FRMPD2: variants seen among roughly 807,000 people sequenced by gnomAD.
FRMPD2 encodes FERM and PDZ domain-containing protein 2.
FRMPD2 carries 96 observed loss-of-function variants against 140.1 expected under a neutral mutation model. The ratio of observed to expected loss-of-function variants is 0.69; its 90% CI spans 0.58 to 0.81. FRMPD2 has a LOEUF of 0.81. Ranked by LOEUF, FRMPD2 falls within the 40% of genes least tolerant of loss-of-function variation. The probability of loss-of-function intolerance (pLI) is 0.00; values close to 1 mark genes in which losing one functional copy is unlikely to be tolerated. For synonymous variants in FRMPD2, 449 were observed against 547.6 expected (o/e 0.82, Z 2.52); for missense variants, 1,240 against 1,447.4 (o/e 0.86, Z 2.32).
chr10:48,271,439 A>G (rs1381939569), intron 1 of FRMPD2, among the ~76,000 whole-genome samples: 1 of 152,192 alleles, frequency 6.6e-6, no homozygotes, highest in Non-Finnish European at 1.5e-5. Flanking sequence ...CCCATCTTGA[A>G]TCTATTGAAG....
At chr10:48,218,039 G>C (rs1289303647) in intron 12 of FRMPD2, among the ~76,000 whole-genome samples, 1 of 152,186 alleles carries the variant, frequency 6.6e-6, no homozygotes, top group Non-Finnish European at 1.5e-5. Flanking sequence ...TGCAGGTTTG[G>C]TTTCTCCCAA....
chr10:48,239,278 T>G (rs1009208676), intron 7 of FRMPD2, among the ~76,000 whole-genome samples: 1 of 152,198 alleles, frequency 6.6e-6, no homozygotes, highest in Non-Finnish European at 1.5e-5. Flanking sequence ...TTAGCCACTG[T>G]GTTTTGTGGT....
intron 1 of FRMPD2, among the ~76,000 whole-genome samples, chr10:48,270,743 A>G (rs561488610): frequency 4.6e-5 from 7 of 152,022 alleles, no homozygotes; most frequent in African/African-American, 1.7e-4. Flanking sequence ...AATACAGCAA[A>G]TGGCATTCCC....
intron 12 of FRMPD2, among the ~76,000 whole-genome samples, chr10:48,216,017 G>A (rs549585725): frequency 1.3e-5 from 2 of 152,312 alleles, no homozygotes; most frequent in Admixed American, 1.3e-4. Context: ...TAAACAAAAA[G>A]ACTGACCCTC....
At chr10:48,223,890 C>T (rs758882462) in intron 10 of FRMPD2, among the ~76,000 whole-genome samples, 26 of 152,172 alleles carry the variant, frequency 1.7e-4, no homozygotes, top group Non-Finnish European at 3.8e-4. Context: ...GAAAAGGAAA[C>T]CTCTGAAAGC....
rs140347747 is a variant in FRMPD2, at chr10:48,192,727, C to T, written c.2122G>A (p.Val708Met). 64 of 1,614,066 alleles carry T rather than the reference C, an allele frequency of 4.0e-5. No homozygotes were observed. In the African/African-American group the frequency reaches 4.5e-4, roughly 11 times the overall value. ...LLSTSMDNFN[V>M]DGSKEAGAEG... Reference sequence around the variant, plus strand: ...GCTCCAGCCTCCTTGCTGCCGTCCACGTTGAAGTTATCCATTGATGTACTC... The same window carrying T: ...GCTCCAGCCTCCTTGCTGCCGTCCATGTTGAAGTTATCCATTGATGTACTC... Residue 708 changes from valine to methionine, a missense_variant, in exon 16 of 29, where the codon GTG becomes ATG. Around this residue, in one of 6 missense-constraint regions of FRMPD2, gnomAD observed 1,161 missense variants for 1,055.9 expected, o/e 1.10. Transcript: ENST00000374201.
intron 15 of FRMPD2, among the ~76,000 whole-genome samples, chr10:48,195,571 A>G (rs910160800): frequency 6.6e-6 from 1 of 152,218 alleles, no homozygotes; most frequent in Non-Finnish European, 1.5e-5. Context: ...GGCACTTGGG[A>G]AAACAGCAGT....
At chr10:48,270,988 C>T (rs1323831727) in intron 1 of FRMPD2, among the ~76,000 whole-genome samples, 1 of 152,194 alleles carries the variant, frequency 6.6e-6, no homozygotes, top group Non-Finnish European at 1.5e-5. Flanking sequence ...TGCCCTGATC[C>T]ATTCTCTGTC....
intron 16 of FRMPD2, among the ~76,000 whole-genome samples, chr10:48,191,746 T>C (rs1037381295): frequency 6.6e-6 from 1 of 152,246 alleles, no homozygotes; most frequent in South Asian, 2.1e-4. Flanking sequence ...GCTATTTCTA[T>C]AAATTGCAGT....
chr10:48,261,844 G>T (rs1187257889), intron 1 of FRMPD2, among the ~76,000 whole-genome samples: 1 of 152,182 alleles, frequency 6.6e-6, no homozygotes, highest in Non-Finnish European at 1.5e-5. Flanking sequence ...AGGGAGAAAC[G>T]GGTATTACTC....
intron 24 of FRMPD2, among the ~76,000 whole-genome samples, chr10:48,173,594 C>T (rs541513348): frequency 2.0e-4 from 31 of 152,250 alleles, no homozygotes; most frequent in Non-Finnish European, 3.8e-4. Context: ...TGTCTGCACC[C>T]TTCTTGGTCC....
At chr10:48,225,998 G>A (rs1174856098) in intron 10 of FRMPD2, among the ~76,000 whole-genome samples, 2 of 152,128 alleles carry the variant, frequency 1.3e-5, no homozygotes, top group African/African-American at 4.8e-5. Context: ...TTTGGGGTTG[G>A]TTGTTTGTGT....
At chr10:48,205,269 G>A (rs1487482327) in intron 14 of FRMPD2, among the ~76,000 whole-genome samples, 1 of 152,186 alleles carries the variant, frequency 6.6e-6, no homozygotes, top group Non-Finnish European at 1.5e-5. Flanking sequence ...TATTTTTTGA[G>A]CTACTAAGTT....
At chr10:48,174,587 C>A (rs1167738617) in intron 24 of FRMPD2, among the ~76,000 whole-genome samples, 1 of 151,280 alleles carries the variant, frequency 6.6e-6, no homozygotes, top group Non-Finnish European at 1.5e-5. Context: ...TTCTCCATTC[C>A]GCTGTCTGAT....
At chr10:48,269,842 G>T (rs1332920783) in intron 1 of FRMPD2, among the ~76,000 whole-genome samples, 1 of 152,176 alleles carries the variant, frequency 6.6e-6, no homozygotes, top group Non-Finnish European at 1.5e-5. Flanking sequence ...GACAGCCAAG[G>T]TGTGAGGGTG....
At chr10:48,170,951 G>A (rs1352071134) in intron 26 of FRMPD2, 43 bp downstream of exon 26, 5 of 721,024 alleles carry the variant, frequency 6.9e-6, no homozygotes, top group African/African-American at 1.7e-5. Context: ...CAAAGCTGGG[G>A]CCAGCCTGCA....
In FRMPD2 at chr10:48,264,812, A is replaced by G. The variant is rs1270905969; in HGVS notation, c.25+9731T>C. On this transcript the variant is annotated intron_variant, in intron 1 of 28. Coordinates refer to ENST00000374201, the MANE Select transcript of FRMPD2 (RefSeq NM_001018071.4). Reference sequence around the variant, plus strand: ...TCTAAAGTTTAAATGAAAAGGGAAAACAAGTCACCTAGAACAGACAACACA... The same window carrying G: ...TCTAAAGTTTAAATGAAAAGGGAAAGCAAGTCACCTAGAACAGACAACACA... Among the ~76,000 whole-genome samples the G allele has an allele frequency of 5.3e-5, 8 of 152,286 alleles. No homozygotes were observed. The East Asian group carries it at 1.5e-3, about 29-fold the overall frequency.
chr10:48,272,829 C>T (rs1324570513), intron 1 of FRMPD2, among the ~76,000 whole-genome samples: 1 of 152,226 alleles, frequency 6.6e-6, no homozygotes, highest in Non-Finnish European at 1.5e-5. Context: ...TCACTCATGT[C>T]ATTGACAGAT....
At chr10:48,233,213 A>C (rs1839893919) in intron 9 of FRMPD2, among the ~76,000 whole-genome samples, 1 of 152,168 alleles carries the variant, frequency 6.6e-6, no homozygotes, top group Non-Finnish European at 1.5e-5. Context: ...CCTGGCACCC[A>C]GGGGCAGCCT....
Sources: allele counts gnomAD v4.1 joint callset (sites outside exome capture counted in the v4.1 genomes callset), GRCh38; gene constraint gnomAD v4.1.1; regional missense constraint gnomAD v4.1.1; transcripts MANE v1.5; gene names NCBI Gene and HGNC (gene_info 2026-07-23, HGNC 2026-07-21).